The following ABCC1 variants were observed in gnomAD, a reference collection of about 807,000 sequenced individuals.
ABCC1 encodes multidrug resistance-associated protein 1.
A neutral mutation model predicts 172.9 loss-of-function variants in ABCC1; 83 were observed. The ratio of observed to expected loss-of-function variants is 0.48; its 90% CI spans 0.40 to 0.58. ABCC1 has a LOEUF of 0.58. Ranked by LOEUF, ABCC1 falls within the 20% of genes least tolerant of loss-of-function variation. ABCC1 has a pLI of 0.00. For synonymous variants in ABCC1, 937 were observed against 825.2 expected (o/e 1.14, Z -2.32); for missense variants, 1,817 against 2,002.7 (o/e 0.91, Z 1.77).
intron 28 of ABCC1, among the ~76,000 whole-genome samples, chr16:16,135,962 G>A (rs1399342081): frequency 1.3e-5 from 2 of 151,498 alleles, no homozygotes; most frequent in African/African-American, 2.4e-5. Context: ...GCTCCAGGAA[G>A]TTGTATGGAA....
At chr16:15,968,153 G>A (rs1374059300) in intron 1 of ABCC1, among the ~76,000 whole-genome samples, 2 of 152,000 alleles carry the variant, frequency 1.3e-5, no homozygotes, top group South Asian at 2.1e-4. Context: ...TCAGCCTCCC[G>A]AGTAGCTGGG....
At chr16:16,030,314 G>A (rs972149812) in intron 5 of ABCC1, among the ~76,000 whole-genome samples, 2 of 152,124 alleles carry the variant, frequency 1.3e-5, no homozygotes, top group Admixed American at 1.3e-4. Context: ...CTTGAGTCAG[G>A]AGTTCGAGAC....
intron 26 of ABCC1, among the ~76,000 whole-genome samples, chr16:16,126,800 T>G (rs2045459955): frequency 6.6e-6 from 1 of 152,220 alleles, no homozygotes; most frequent in Non-Finnish European, 1.5e-5. Flanking sequence ...AGTGACTTGA[T>G]TAAGCATATT....
intron 7 of ABCC1, among the ~76,000 whole-genome samples, chr16:16,039,459 G>T (rs996964931): frequency 2.0e-5 from 3 of 151,576 alleles, no homozygotes; most frequent in Admixed American, 6.6e-5. Context: ...AGTAGAGACG[G>T]GGTTTCACCA....
chr16:15,960,049 A>T (rs1032777953), intron 1 of ABCC1, among the ~76,000 whole-genome samples: 1 of 151,944 alleles, frequency 6.6e-6, no homozygotes, highest in African/African-American at 2.4e-5. Context: ...ACTTGTTTGG[A>T]GAATATGTGT....
chr16:15,967,554 G>A (rs190684585), intron 1 of ABCC1, among the ~76,000 whole-genome samples: 1 of 151,156 alleles, frequency 6.6e-6, no homozygotes, highest in East Asian at 1.9e-4. Flanking sequence ...ACCAGCCTGG[G>A]CAACAGAAAG....
At chr16:16,025,308 G>A (rs1225999739) in intron 5 of ABCC1, among the ~76,000 whole-genome samples, 2 of 152,146 alleles carry the variant, frequency 1.3e-5, no homozygotes, top group Non-Finnish European at 2.9e-5. Context: ...GGGTCAGAGT[G>A]GTGATGTGTC....
At chr16:16,065,605 G>T (rs989662889) in intron 12 of ABCC1, among the ~76,000 whole-genome samples, 1 of 152,074 alleles carries the variant, frequency 6.6e-6, no homozygotes, top group Non-Finnish European at 1.5e-5. Context: ...GCTAATTTTT[G>T]TATTTTTAGT....
At position 16,111,590 on chromosome 16, in the gene ABCC1, C is replaced by T. The variant is rs1222728540; in HGVS notation, c.3079+8C>T. The stretch of plus-strand genomic sequence containing the variant: ...CCCTGGGCATTTCACAAGGTTGGTG[C>T]CGCTGTCTCCCACCCCGCCTGATTT... On this transcript the variant is annotated splice_region_variant and intron_variant, in intron 22 of 30. Transcript: ENST00000399410. 1 of 1,609,008 alleles carries T rather than the reference C, an allele frequency of 6.2e-7. No individual in the cohort carries two copies.
At chr16:16,122,315 G>A in intron 24 of ABCC1, 141 bp downstream of exon 24, 1 of 869,940 alleles carries the variant, frequency 1.1e-6, no homozygotes, top group East Asian at 2.6e-5. Flanking sequence ...GGCTTGATGA[G>A]CGCGGAGGAC....
intron 21 of ABCC1, among the ~76,000 whole-genome samples, chr16:16,109,658 C>G (rs1012824641): frequency 6.6e-6 from 1 of 152,188 alleles, no homozygotes; most frequent in Non-Finnish European, 1.5e-5. Context: ...TAGCCCCATG[C>G]TGGGCTCCAC....
intron 6 of ABCC1, among the ~76,000 whole-genome samples, chr16:16,033,950 CT>C (rs1430019003): frequency 6.8e-6 from 1 of 146,836 alleles, no homozygotes; most frequent in Non-Finnish European, 1.5e-5. Flanking sequence ...TTTTGTATAT[CT>C]TTTTCTGCCC....
In ABCC1 at chr16:16,052,940, C is replaced by T. The variant is rs369943124; in HGVS notation, c.1473+124C>T. 5 of 823,672 alleles carry T rather than the reference C, an allele frequency of 6.1e-6. No homozygotes were observed. In the East Asian group the frequency reaches 7.5e-5, roughly 12 times the overall value. The allele number at this position is 823,672 out of a possible 1,614,324, so 51.0% of individuals were successfully genotyped here. ...CTCAGCCTTGCCTGCCAGTTGGACTCACTTGGGGAGCCTTAACAAATGCTG... is the reference window on the plus strand; with the variant it reads ...CTCAGCCTTGCCTGCCAGTTGGACTTACTTGGGGAGCCTTAACAAATGCTG... On this transcript the variant is annotated intron_variant, in intron 11 of 30. Transcript: ENST00000399410.
At chr16:15,982,481 G>C (rs763936693) in intron 1 of ABCC1, among the ~76,000 whole-genome samples, 1 of 151,918 alleles carries the variant, frequency 6.6e-6, no homozygotes, top group African/African-American at 2.4e-5. Context: ...AGCAAAATCA[G>C]ATCTTGTGAG....
intron 5 of ABCC1, among the ~76,000 whole-genome samples, chr16:16,022,764 T>G (rs748573845): frequency 2.0e-5 from 3 of 152,184 alleles, no homozygotes; most frequent in Non-Finnish European, 4.4e-5. Flanking sequence ...TGAACATTCT[T>G]AAACCTACAG....
intron 21 of ABCC1, among the ~76,000 whole-genome samples, chr16:16,108,034 A>T (rs2052212895): frequency 6.6e-6 from 1 of 152,060 alleles, no homozygotes; most frequent in Admixed American, 6.6e-5. Flanking sequence ...GACCGTAACA[A>T]GGGGCAGAGG....
intron 5 of ABCC1, among the ~76,000 whole-genome samples, chr16:16,025,005 C>CA (rs1321075105): frequency 6.6e-6 from 1 of 151,418 alleles, no homozygotes; most frequent in Non-Finnish European, 1.5e-5. Context: ...TCTCTTGAAA[C>CA]AAAAAAACAA....
chr16:16,105,098 G>T (rs961803418), intron 20 of ABCC1, among the ~76,000 whole-genome samples: 1 of 152,244 alleles, frequency 6.6e-6, no homozygotes, highest in East Asian at 1.9e-4. Flanking sequence ...GGGCTGAAGG[G>T]CTCCTCAAGC....
rs566396587 is a variant in ABCC1 at position 16,080,636 on chromosome 16, G to C, written c.2115+1158G>C. On this transcript the variant is annotated intron_variant, in intron 16 of 30. Transcript: ENST00000399410. ...GACATTTGGGCGATAAAGAACCCCAGGCTCAAAGAAGCGTGGGAAATAATG... is the reference window on the plus strand; with the variant it reads ...GACATTTGGGCGATAAAGAACCCCACGCTCAAAGAAGCGTGGGAAATAATG... Among the ~76,000 whole-genome samples, 7 of 152,280 alleles carry C rather than the reference G, an allele frequency of 4.6e-5. 1 individual carries two copies. The East Asian group carries it at 1.4e-3, about 29-fold the overall frequency.
Sources: allele counts gnomAD v4.1 joint callset (sites outside exome capture counted in the v4.1 genomes callset), GRCh38; gene constraint gnomAD v4.1.1; transcripts MANE v1.5; gene names NCBI Gene and HGNC (gene_info 2026-07-23, HGNC 2026-07-21).